Variants in AURKC observed in about 807,000 individuals in gnomAD.
AURKC encodes aurora kinase C.
AURKC carries 15 observed loss-of-function variants against 29.2 expected under a neutral mutation model. The ratio of observed to expected loss-of-function variants is 0.51; its 90% confidence interval spans 0.34 to 0.79. AURKC has a LOEUF of 0.79. Among genes scored for constraint, AURKC ranks in the 30% least tolerant of loss-of-function variants. The probability of loss-of-function intolerance (pLI) is 0.01; values close to 1 mark genes in which losing one functional copy is unlikely to be tolerated. For synonymous variants in AURKC, 150 were observed against 149.9 expected, an observed-to-expected ratio of 1.00 and a Z score of -0.01; for missense variants, 332 against 383.2, an observed-to-expected ratio of 0.87 and a Z score of 1.12.
chr19:57,231,350 C>A (rs2122799834), intron 1 of AURKC, 44 bp downstream of exon 1: 1 of 1,549,120 alleles, frequency 6.5e-7, no homozygotes, highest in Non-Finnish European at 8.7e-7. Context: ...AGGCTGGGGA[C>A]TGGGCCAGGG....
rs145271279 is a variant in AURKC at position 57,234,974 on chromosome 19, T to C, written c.675T>C (p.Ile225=). The C allele has an allele frequency of 1.3e-4, 216 of 1,614,176 alleles. No homozygotes were observed. In the Middle Eastern group the frequency reaches 4.3e-3, roughly 32 times the overall value. The part of the protein sequence containing the change: ...TYDEKVDLWC[I]GVLCYELLVG... ...ATGAAAAGGTGGATTTGTGGTGCAT[T>C]GGAGTGCTCTGCTATGAGCTGCTGG... Residue 225 remains isoleucine, a synonymous_variant, in exon 6 of 7, where the codon ATT becomes ATC. Transcript: ENST00000302804.
Position 57,232,096 on chromosome 19 carries a change from T to C in AURKC, c.168T>C (p.Asn56=). The change falls in exon 3 of 7, where the codon AAT becomes AAC. Residue 56 remains asparagine, a synonymous_variant. Coordinates refer to ENST00000302804, the MANE Select transcript of AURKC (RefSeq NM_001015878.2). This position sits in a 1 kb window ranked among gnomAD's most constrained non-coding sequence, Gnocchi z 4.5. ...CCCTGGGCAAGGGGAAATTTGGGAATGTGTACCTGGCTCGGCTCAAGGAAA... is the reference window on the plus strand; with the variant it reads ...CCCTGGGCAAGGGGAAATTTGGGAACGTGTACCTGGCTCGGCTCAAGGAAA... The part of the protein sequence containing the change: ...GRPLGKGKFG[N]VYLARLKESH... 6.2e-7 allele frequency: 1 copy of C among 1,614,072 alleles called. No individual in the cohort carries two copies. Among genetic ancestry groups the C allele is most frequent in the Non-Finnish European group, 8.5e-7 (1 of 1,180,008 alleles).
rs2087538381 is a variant in AURKC at position 57,235,524 on chromosome 19, A to G, written c.*107A>G. 2 of 1,344,170 alleles carry G rather than the reference A, an allele frequency of 1.5e-6. No homozygotes were observed. The allele number at this position is 1,344,170 out of a possible 1,614,324, so 83.3% of individuals were successfully genotyped here. On this transcript the variant is annotated 3_prime_UTR_variant, in exon 7 of 7. Transcript: ENST00000302804. ...CTTTTAAGATGTAAGATGCTAATTA[A>G]TAAAAGCTGAATCATTTCATACCAG...
Position 57,232,754 on chromosome 19 carries a change from C to T in AURKC, c.435+74C>T. ...TGGTGGGAGCTCTGTTTGTGGCTGT[C>T]AGGAGGGTCCGCATTGCCTTCTGAG... On this transcript the variant is annotated intron_variant, in intron 4 of 6. Transcript: ENST00000302804. This position sits in a 1 kb window ranked among gnomAD's most constrained non-coding sequence, Gnocchi z 4.5. The T allele has an allele frequency of 1.3e-6, 2 of 1,596,248 alleles. No homozygotes were observed. Among genetic ancestry groups the T allele is most frequent in the Non-Finnish European group, 1.7e-6 (2 of 1,167,672 alleles).
At chr19:57,231,460 T>C in intron 1 of AURKC, 154 bp downstream of exon 1, 1 of 904,948 alleles carries the variant, frequency 1.1e-6, no homozygotes, top group Non-Finnish European at 1.7e-6. Flanking sequence ...CTCCAATTCT[T>C]TCTTTCACCT....
rs372070124 is a variant in AURKC, at chr19:57,231,227, C to G, written c.-22C>G. ...CATCCAGAGGGTTCAGGAAGGCGTC[C>G]GCGCCCTCACCTCTTCTCCCCATGA... On this transcript the variant is annotated 5_prime_UTR_variant, in exon 1 of 7. Coordinates refer to ENST00000302804, the MANE Select transcript of AURKC (RefSeq NM_001015878.2). The G allele has an allele frequency of 6.4e-7, 1 of 1,551,570 alleles. No individual in the cohort carries two copies. The highest frequency in any genetic ancestry group is 8.7e-7 in the Non-Finnish European group (1 of 1,147,022).
At chr19:57,231,576 C>T (rs1365156720) in intron 1 of AURKC, 166 bp from the exon 2 acceptor site, 28 of 804,786 alleles carry the variant, frequency 3.5e-5, no homozygotes, top group Non-Finnish European at 5.7e-5. Flanking sequence ...TTACCTCTCC[C>T]TCCCCCTCTC....
chr19:57,235,133 A>G, intron 6 of AURKC, 75 bp downstream of exon 6: 1 of 1,611,310 alleles, frequency 6.2e-7, no homozygotes, highest in Non-Finnish European at 8.5e-7. Context: ...ACACACACAC[A>G]CAGGGTTGTC....
chr19:57,231,455 A>G, intron 1 of AURKC, 149 bp downstream of exon 1: 6 of 942,284 alleles, frequency 6.4e-6, no homozygotes, highest in South Asian at 1.5e-5. Context: ...CTTCCCTCCA[A>G]TTCTTTCTTT....
chr19:57,234,836 A>C, intron 5 of AURKC, 48 bp from the exon 6 acceptor site: 1 of 1,611,166 alleles, frequency 6.2e-7, no homozygotes, highest in Non-Finnish European at 8.5e-7. Flanking sequence ...AATTTCCCTC[A>C]TCCTGGGCCT....
chr19:57,233,862 G>A (rs1318069060), intron 5 of AURKC, among the ~76,000 whole-genome samples: 3 of 151,946 alleles, frequency 2.0e-5, no homozygotes, highest in African/African-American at 4.8e-5. Context: ...CTCCCAAGTA[G>A]CTGGGATAAC....
Position 57,232,527 on chromosome 19 carries a change from A to G in AURKC, c.297-15A>G, listed in dbSNP as rs527988086. 2 of 1,614,138 alleles carry G rather than the reference A, an allele frequency of 1.2e-6. No homozygotes were observed. Among genetic ancestry groups the G allele is most frequent in the African/African-American group, 1.3e-5 (1 of 75,040 alleles). Reference sequence around the variant, plus strand: ...CTCAGGGAGAAATCTGACTCTTCCAACATTAATCCTTCAGACACCCCAATA... The same window carrying G: ...CTCAGGGAGAAATCTGACTCTTCCAGCATTAATCCTTCAGACACCCCAATA... On this transcript the variant is annotated splice_polypyrimidine_tract_variant and intron_variant, in intron 3 of 6. Coordinates refer to ENST00000302804, the MANE Select transcript of AURKC (RefSeq NM_001015878.2). The surrounding 1 kb of genome is among the most constrained non-coding windows in gnomAD (Gnocchi z 4.5).
At chr19:57,235,193 C>G in intron 6 of AURKC, 54 bp from the exon 7 acceptor site, 2 of 1,611,740 alleles carry the variant, frequency 1.2e-6, no homozygotes, top group Non-Finnish European at 1.7e-6. Context: ...AGAGGGAGGA[C>G]ATTGATCAAA....
rs1192298496 is a variant in AURKC, at chr19:57,234,924, G to T, written c.625G>T (p.Glu209Ter). 6.2e-7 allele frequency: 1 copy of T among 1,614,098 alleles called. No homozygotes were observed. The highest frequency in any genetic ancestry group is 1.3e-5 in the African/African-American group (1 of 74,912). The change falls in exon 6 of 7, where the codon GAA becomes TAA. Residue 209 changes from glutamate to a stop codon, truncating the protein, a stop_gained. Transcript: ENST00000302804. LOFTEE classifies it high-confidence loss of function. ...TGGGACACTGGACTACTTGCCGCCA[G>T]AAATGATTGAGGGGAGAACATATGA... ...MCGTLDYLPP[E>*]MIEGRTYDEK...
chr19:57,231,116 T>C lies in AURKC; in HGVS notation c.-133T>C, dbSNP rs1409354338. The stretch of plus-strand genomic sequence containing the variant: ...AGCCTGTGTAGCAGTGAGACATCAG[T>C]GAGGCTGCAGGACGAGCAGGATTGG... On this transcript the variant is annotated 5_prime_UTR_variant, in exon 1 of 7. Transcript: ENST00000302804. 6.9e-7 allele frequency: 1 copy of C among 1,447,150 alleles called. No homozygotes were observed. The highest frequency in any genetic ancestry group is 1.7e-5 in the African/African-American group (1 of 57,340). The allele number at this position is 1,447,150 out of a possible 1,614,324, so 89.6% of individuals were successfully genotyped here.
At chr19:57,231,853 TG>T (rs948486958) in intron 2 of AURKC, 66 bp downstream of exon 2, 5 of 1,613,426 alleles carry the variant, frequency 3.1e-6, no homozygotes, top group African/African-American at 1.3e-5. Context: ...AAGAACAGAC[TG>T]GGTGTGTGGG....
chr19:57,231,984 C>T (rs2087497008), intron 2 of AURKC, 49 bp from the exon 3 acceptor site: 3 of 1,612,054 alleles, frequency 1.9e-6, no homozygotes, highest in South Asian at 2.2e-5. Context: ...ACTTTCCCTC[C>T]GCCTACCCTA....
rs1160749007 is a variant in AURKC at position 57,231,730 on chromosome 19, CCTCT to C, written c.59-9_59-6del. On this transcript the variant is annotated splice_polypyrimidine_tract_variant and splice_region_variant and intron_variant, in intron 1 of 6. Coordinates refer to ENST00000302804, the MANE Select transcript of AURKC (RefSeq NM_001015878.2). The stretch of plus-strand genomic sequence containing the variant: ...TCTCCCTTCCTATCTCCCTCCTCCT[CCTCT>C]CTTTCAGTGGCTACAGCAAACCAAA... The C allele has an allele frequency of 1.2e-6, 2 of 1,613,816 alleles. No homozygotes were observed. The highest frequency in any genetic ancestry group is 1.7e-6 in the Non-Finnish European group (2 of 1,179,996).
chr19:57,234,053 CTTTTTTTTTT>C (rs10586926), intron 5 of AURKC, among the ~76,000 whole-genome samples: 2 of 112,630 alleles, frequency 1.8e-5, no homozygotes, highest in African/African-American at 7.2e-5. Flanking sequence ...TTTTTCTTTT[CTTTTTTTTTT>C]TTTTTTTTTT....
Sources: allele counts gnomAD v4.1 joint callset (sites outside exome capture counted in the v4.1 genomes callset), GRCh38; gene constraint gnomAD v4.1.1; non-coding constraint Gnocchi (gnomAD v3.1); transcripts MANE v1.5; gene names NCBI Gene and HGNC (gene_info 2026-07-23, HGNC 2026-07-21).